The following CPZ variants were observed in gnomAD, a reference collection of about 807,000 sequenced individuals.
CPZ encodes the protein VEZT/CPZ fusion.
Under a neutral mutation model 61.8 loss-of-function variants are expected in CPZ, and 103 were observed. The ratio of observed to expected loss-of-function variants is 1.67; its 90% confidence interval spans 1.42 to 1.96. The LOEUF is 1.96. CPZ is among the 30% of genes most tolerant of loss of function. The pLI is 0.00. For missense variants in CPZ, 1,461 were observed against 914.9 expected (o/e 1.60, Z -7.70); for synonymous variants, 551 against 373.7 (o/e 1.47, Z -5.47).
chr4:8,596,325 C>G (rs959418281), intron 1 of CPZ, among the ~76,000 whole-genome samples: 1 of 152,246 alleles, frequency 6.6e-6, no homozygotes, highest in African/African-American at 2.4e-5. Flanking sequence ...GCTGGGATTA[C>G]AGGTGTGGGC....
At chr4:8,605,145 CG>C (rs1183299522) in intron 4 of CPZ, among the ~76,000 whole-genome samples, 5 of 152,340 alleles carry the variant, frequency 3.3e-5, no homozygotes, top group Non-Finnish European at 7.3e-5. Flanking sequence ...CTGAGGAACA[CG>C]GGTGTTTCCT....
intron 1 of CPZ, among the ~76,000 whole-genome samples, chr4:8,595,422 T>C (rs1714106987): frequency 1.3e-5 from 2 of 152,222 alleles, no homozygotes. Context: ...TCGTCCTGGC[T>C]TTGCTCTGTG....
chr4:8,601,485 G>A lies in CPZ; in HGVS notation c.484G>A (p.Glu162Lys), dbSNP rs1236800172. The change falls in exon 3 of 11, where the codon GAG becomes AAG. Residue 162 changes from glutamate (E) to lysine (K), a missense_variant. Physicochemically the swap from Glu to Lys is moderately conservative, Grantham distance 56. Transcript: ENST00000360986. ...REDEGCYDPL[E>K]KLRGGLEADE... ...GGACGAGGGCTGCTATGACCCGCTG[G>A]AGAAGCTTCGGGGTAAGGGAAAGTG... 6.1e-6 allele frequency: 9 copies of A among 1,484,044 alleles called. No homozygotes were observed. The highest frequency in any genetic ancestry group is 8.1e-6 in the Non-Finnish European group (9 of 1,115,338). 91.9% of individuals were successfully genotyped at this position (1,484,044 alleles called of 1,614,324 possible).
At chr4:8,593,351 C>A (rs956079507) in intron 1 of CPZ, among the ~76,000 whole-genome samples, 2 of 152,214 alleles carry the variant, frequency 1.3e-5, no homozygotes, top group Non-Finnish European at 2.9e-5. Flanking sequence ...CCCTCCCTCC[C>A]AGCTGGGGCT....
chr4:8,599,287 A>G (rs549429520), intron 1 of CPZ, among the ~76,000 whole-genome samples, 166 bp from the exon 2 acceptor site: 55 of 152,296 alleles, frequency 3.6e-4, no homozygotes, highest in African/African-American at 1.3e-3. Context: ...AATGGGGGTG[A>G]CTGTGGTGTC....
chr4:8,619,386 T>C lies in CPZ; in HGVS notation c.1728T>C (p.Arg576=). 1.2e-6 allele frequency: 2 copies of C among 1,614,176 alleles called. No individual in the cohort carries two copies. Among genetic ancestry groups the C allele is most frequent in the South Asian group, 1.1e-5 (1 of 91,084 alleles). ...IIPARMKRAG[R]VDFILQPLGM... ...CCGCCCGGATGAAGAGGGCTGGCCG[T>C]GTGGACTTCATTCTGCAACCTCTGG... The change falls in exon 11 of 11, where the codon CGT becomes CGC. Residue 576 remains arginine (R), a synonymous_variant. Coordinates refer to ENST00000360986, the MANE Select transcript of CPZ (RefSeq NM_001014447.3).
At chr4:8,608,981 TCCAC>T (rs1464139746) in intron 7 of CPZ, among the ~76,000 whole-genome samples, 3 of 148,312 alleles carry the variant, frequency 2.0e-5, no homozygotes, top group East Asian at 3.9e-4. Flanking sequence ...TGTTCATTCT[TCCAC>T]CCATTCACTC....
chr4:8,612,158 G>T lies in CPZ; in HGVS notation c.1359G>T (p.Thr453=). 1.3e-6 allele frequency: 2 copies of T among 1,511,358 alleles called. No homozygotes were observed. Among genetic ancestry groups the T allele is most frequent in the Non-Finnish European group, 1.8e-6 (2 of 1,131,112 alleles). 93.6% of individuals were successfully genotyped at this position (1,511,358 alleles called of 1,614,324 possible). ...IINGADWYSF[T]GGMSDFNYLH... Reference sequence around the variant, plus strand: ...ACGGGGCGGACTGGTACAGCTTCACGGGAGGTGCGGCTTCCGCAGGGCGGG... The same window carrying T: ...ACGGGGCGGACTGGTACAGCTTCACTGGAGGTGCGGCTTCCGCAGGGCGGG... The change falls in exon 8 of 11, where the codon ACG becomes ACT. Residue 453 remains threonine (T), a synonymous_variant. Coordinates refer to ENST00000360986, the MANE Select transcript of CPZ (RefSeq NM_001014447.3).
At chr4:8,599,625 C>T in intron 2 of CPZ, 140 bp downstream of exon 2, 1 of 1,475,766 alleles carries the variant, frequency 6.8e-7, no homozygotes, top group Non-Finnish European at 9.0e-7. Flanking sequence ...ACTAGAACCC[C>T]CTCGTAAACA....
chr4:8,616,538 T>C (rs996636644), intron 9 of CPZ, among the ~76,000 whole-genome samples: 2 of 151,976 alleles, frequency 1.3e-5, no homozygotes, highest in Non-Finnish European at 2.9e-5. Context: ...AGGCCCCCAG[T>C]GTGGCTGGTC....
At position 8,614,355 on chromosome 4, in the gene CPZ, A is replaced by G; in HGVS notation, c.1364-4A>G. The G allele has an allele frequency of 6.2e-7, 1 of 1,612,196 alleles. No individual in the cohort carries two copies. The highest frequency in any genetic ancestry group is 2.2e-5 in the East Asian group (1 of 44,818). On this transcript the variant is annotated splice_polypyrimidine_tract_variant and splice_region_variant and intron_variant, in intron 8 of 10. Coordinates refer to ENST00000360986, the MANE Select transcript of CPZ (RefSeq NM_001014447.3). ...CTGACGTCCCCGCTGTCTCTGTGCCACAGGCATGTCCGATTTCAACTACCT... is the reference window on the plus strand; with the variant it reads ...CTGACGTCCCCGCTGTCTCTGTGCCGCAGGCATGTCCGATTTCAACTACCT...
intron 1 of CPZ, among the ~76,000 whole-genome samples, chr4:8,596,808 T>A (rs185400477): frequency 6.6e-6 from 1 of 152,284 alleles, no homozygotes; most frequent in Non-Finnish European, 1.5e-5. Context: ...GTCCAGTCAC[T>A]TGTGTGGGCG....
In CPZ at chr4:8,609,048, C is replaced by CCAT. The variant is rs139453769; in HGVS notation, c.1227+1623_1227+1624insCAT. On this transcript the variant is annotated intron_variant, in intron 7 of 10. Coordinates refer to ENST00000360986, the MANE Select transcript of CPZ (RefSeq NM_001014447.3). ...ACTCCTTCACTCACCCATTCACTCC[C>CCAT]TCCCTCCCTCACTCCCTCACTCACC... 3.9e-3 allele frequency among the ~76,000 whole-genome samples: 513 copies of CCAT among 131,496 alleles called. 13 individuals are homozygous for CCAT. Among genetic ancestry groups the CCAT allele is most frequent in the African/African-American group, 0.015 (488 of 33,584 alleles). The allele number at this position is 131,496 out of a possible 152,430, so 86.3% of individuals were successfully genotyped here.
chr4:8,619,129 C>T lies in CPZ; in HGVS notation c.1604-133C>T, dbSNP rs147068997. 5.8e-4 allele frequency: 421 copies of T among 721,358 alleles called. 2 individuals carry two copies. The African/African-American group carries it at 6.8e-3, about 12-fold the overall frequency. The allele number at this position is 721,358 out of a possible 1,614,324, so 44.7% of individuals were successfully genotyped here. ...AAAGGGGTGGGAAGGACGTTCCAGG[C>T]CCACACAGAGGCAAGTGCACATTTG... is the stretch of plus-strand genomic sequence containing the variant. On this transcript the variant is annotated intron_variant, in intron 10 of 10. Coordinates refer to ENST00000360986, the MANE Select transcript of CPZ (RefSeq NM_001014447.3).
chr4:8,605,555 T>C (rs1021774561), intron 4 of CPZ, among the ~76,000 whole-genome samples: 4 of 147,848 alleles, frequency 2.7e-5, no homozygotes, highest in Admixed American at 2.7e-4. Context: ...CATTCATCCA[T>C]CATTGATATA....
chr4:8,612,598 C>T (rs1413261159), intron 8 of CPZ, among the ~76,000 whole-genome samples: 1 of 152,186 alleles, frequency 6.6e-6, no homozygotes, highest in Non-Finnish European at 1.5e-5. Flanking sequence ...TGGACTGATA[C>T]TACAATTGTA....
chr4:8,612,654 C>T (rs1378491944), intron 8 of CPZ, among the ~76,000 whole-genome samples: 1 of 152,226 alleles, frequency 6.6e-6, no homozygotes, highest in Non-Finnish European at 1.5e-5. Flanking sequence ...ACATCTTTAT[C>T]TGCTAAATTT....
At chr4:8,599,582 A>G (rs1249001910) in intron 2 of CPZ, 97 bp downstream of exon 2, 4 of 1,568,042 alleles carry the variant, frequency 2.6e-6, no homozygotes, top group South Asian at 1.2e-5. Flanking sequence ...TGATTTCAGA[A>G]GTGGGTAATG....
At chr4:8,596,873 C>A (rs991432608) in intron 1 of CPZ, among the ~76,000 whole-genome samples, 1 of 152,180 alleles carries the variant, frequency 6.6e-6, no homozygotes, top group African/African-American at 2.4e-5. Flanking sequence ...TTGTAGCTCC[C>A]TGAGGCCAGC....
Sources: gnomAD v4.1 joint callset for allele counts (sites outside exome capture counted in the v4.1 genomes callset) on GRCh38, gnomAD v4.1.1 for gene constraint, MANE v1.5 for transcripts, NCBI Gene and HGNC (gene_info 2026-07-23, HGNC 2026-07-21) for gene names.